Variants in FNDC3B observed in about 807,000 individuals in gnomAD.
FNDC3B encodes fibronectin type III domain-containing protein 3B.
A neutral mutation model predicts 151.5 loss-of-function variants in FNDC3B; 12 were observed. That is an observed-to-expected ratio of 0.08 (90% confidence interval 0.05 to 0.13). The LOEUF is 0.13. FNDC3B is among the 10% of genes least tolerant of loss of function. FNDC3B has a pLI of 1.00. For synonymous variants in FNDC3B, 528 were observed against 549.0 expected (o/e 0.96, Z 0.54); for missense variants, 1,214 against 1,505.3 (o/e 0.81, Z 3.20).
chr3:172,339,711 A>G (rs373915986), intron 16 of FNDC3B, among the ~76,000 whole-genome samples: 1 of 152,196 alleles, frequency 6.6e-6, no homozygotes, highest in Admixed American at 6.5e-5. Flanking sequence ...GGCTCCCTTT[A>G]GCTACTGATG....
At chr3:172,148,260 A>T (rs1402379034) in intron 3 of FNDC3B, among the ~76,000 whole-genome samples, 2 of 152,170 alleles carry the variant, frequency 1.3e-5, no homozygotes, top group African/African-American at 2.4e-5. Context: ...ACTTATAAAA[A>T]ATATGAAAAA....
chr3:172,323,348 G>C (rs1302742761), intron 11 of FNDC3B, among the ~76,000 whole-genome samples: 1 of 151,862 alleles, frequency 6.6e-6, no homozygotes, highest in Non-Finnish European at 1.5e-5. Context: ...CTACCAAAAA[G>C]AAAAAAATTG....
intron 23 of FNDC3B, among the ~76,000 whole-genome samples, chr3:172,372,712 C>G (rs1455467787): frequency 6.6e-6 from 1 of 152,034 alleles, no homozygotes. Flanking sequence ...GAACTGGGAG[C>G]CAGAGGTCCT....
rs936699497 is a variant in FNDC3B at position 172,150,476 on chromosome 3, A to G, written c.187+16930A>G. On this transcript the variant is annotated intron_variant, in intron 3 of 25. Coordinates refer to ENST00000415807, the MANE Select transcript of FNDC3B (RefSeq NM_022763.4). The stretch of plus-strand genomic sequence containing the variant: ...GTACACCTCTTATCTGCTGAGCTAG[A>G]TGGGATGGCCTTTCTGCTTGTCTCT... 3.3e-5 allele frequency among the ~76,000 whole-genome samples: 5 copies of G among 151,730 alleles called. No homozygotes were observed. In the East Asian group the frequency reaches 5.8e-4, roughly 18 times the overall value.
intron 1 of FNDC3B, among the ~76,000 whole-genome samples, chr3:172,070,468 A>C (rs1288303290): frequency 1.3e-5 from 2 of 152,198 alleles, no homozygotes; most frequent in Non-Finnish European, 2.9e-5. Flanking sequence ...GTCGCATGAA[A>C]GGATCAACAC....
intron 3 of FNDC3B, among the ~76,000 whole-genome samples, chr3:172,215,308 A>G (rs929161179): frequency 2.0e-5 from 3 of 152,222 alleles, no homozygotes; most frequent in African/African-American, 7.2e-5. Context: ...TGGCCAGGCA[A>G]ATGGGATGGA....
chr3:172,164,919 T>G (rs749220944), intron 3 of FNDC3B, among the ~76,000 whole-genome samples: 6 of 152,242 alleles, frequency 3.9e-5, no homozygotes, highest in Non-Finnish European at 5.9e-5. Context: ...TCTGTCTCAT[T>G]GCAAGTGTTC....
At position 172,341,146 on chromosome 3, in the gene FNDC3B, C is replaced by A. The variant is rs369805304; in HGVS notation, c.1886C>A (p.Ala629Asp). 1.9e-5 allele frequency: 31 copies of A among 1,614,022 alleles called. No individual in the cohort carries two copies. Among genetic ancestry groups the A allele is most frequent in the Non-Finnish European group, 2.5e-5 (30 of 1,180,000 alleles). The change falls in exon 17 of 26, where the codon GCT (alanine) becomes GAT (aspartate). Residue 629 changes from alanine (A) to aspartate (D), a missense_variant. Physicochemically the swap from Ala to Asp is moderately radical, Grantham distance 126. Around this residue, in one of 7 missense-constraint regions of FNDC3B, gnomAD observed 380 missense variants for 420.9 expected, o/e 0.90. Coordinates refer to ENST00000415807, the MANE Select transcript of FNDC3B (RefSeq NM_022763.4). ...TGGGAAGTGGCCTACAGTGGGTCGG[C>A]TACCGAATACACCTTCACCCACTTG... ...NQWEVAYSGS[A>D]TEYTFTHLKP...
chr3:172,118,306 G>A (rs962643804), intron 2 of FNDC3B, among the ~76,000 whole-genome samples: 4 of 152,080 alleles, frequency 2.6e-5, no homozygotes, highest in Non-Finnish European at 2.9e-5. Flanking sequence ...GATGGCTTCC[G>A]TCTTGCATTC....
chr3:172,193,555 T>C (rs7628309), intron 3 of FNDC3B, among the ~76,000 whole-genome samples: 137,070 of 150,566 alleles, frequency 0.91, 62,702 homozygotes, highest in African/African-American at 0.95. Context: ...GGTTAAGGGG[T>C]CTGCTCTGCA....
At chr3:172,180,720 A>G (rs899577208) in intron 3 of FNDC3B, among the ~76,000 whole-genome samples, 1 of 152,244 alleles carries the variant, frequency 6.6e-6, no homozygotes, top group Non-Finnish European at 1.5e-5. Context: ...ATGGGCAGAC[A>G]GTCATTGGAA....
At chr3:172,154,214 G>A (rs992222699) in intron 3 of FNDC3B, among the ~76,000 whole-genome samples, 7 of 152,114 alleles carry the variant, frequency 4.6e-5, no homozygotes, top group East Asian at 3.9e-4. Context: ...GATCGAGACC[G>A]TTAATGGTTT....
intron 3 of FNDC3B, among the ~76,000 whole-genome samples, chr3:172,160,096 CTG>C (rs1722694933): frequency 6.6e-6 from 1 of 152,204 alleles, no homozygotes; most frequent in Non-Finnish European, 1.5e-5. Flanking sequence ...GCCTGTAAAC[CTG>C]TTTTCACTCT....
intron 3 of FNDC3B, among the ~76,000 whole-genome samples, chr3:172,165,059 G>T (rs1158596608): frequency 6.6e-6 from 1 of 152,218 alleles, no homozygotes; most frequent in Non-Finnish European, 1.5e-5. Context: ...TGTGGCCCAG[G>T]CTGGAGTGCA....
At chr3:172,187,280 G>T (rs1317492711) in intron 3 of FNDC3B, 1 of 152,286 alleles carries the variant, frequency 6.6e-6, no homozygotes, top group Non-Finnish European at 1.5e-5. Flanking sequence ...AAATGGAAAT[G>T]TGTTAAGCAA....
At chr3:172,080,406 G>A (rs146765861) in intron 1 of FNDC3B, among the ~76,000 whole-genome samples, 19 of 152,040 alleles carry the variant, frequency 1.2e-4, no homozygotes, top group Non-Finnish European at 2.6e-4. Context: ...AAGTAGCTAC[G>A]GCTGTAAGTA....
intron 19 of FNDC3B, 99 bp from the exon 20 acceptor site, chr3:172,346,228 G>A (rs1411180588): frequency 5.3e-6 from 3 of 569,070 alleles, no homozygotes; most frequent in Non-Finnish European, 9.3e-6. Flanking sequence ...GATGATGTTA[G>A]CCTAGCTTTT....
chr3:172,308,273 A>C (rs1232861984), intron 10 of FNDC3B, among the ~76,000 whole-genome samples: 5 of 152,222 alleles, frequency 3.3e-5, no homozygotes. Flanking sequence ...GAGAGATCAT[A>C]TTGCCCCTTC....
intron 1 of FNDC3B, among the ~76,000 whole-genome samples, chr3:172,107,467 T>G (rs1418415991): frequency 6.6e-6 from 1 of 152,082 alleles, no homozygotes. Context: ...ATCTCCGTGG[T>G]GTGTTGGGGG....
Sources: allele counts gnomAD v4.1 joint callset (sites outside exome capture counted in the v4.1 genomes callset), GRCh38; gene constraint gnomAD v4.1.1; regional missense constraint gnomAD v4.1.1; transcripts MANE v1.5; gene names NCBI Gene and HGNC (gene_info 2026-07-23, HGNC 2026-07-21).